The following DHRSX variants were observed in gnomAD, a reference collection of about 807,000 sequenced individuals.
The protein encoded by DHRSX is polyprenol dehydrogenase.
DHRSX carries 31 observed loss-of-function variants against 34.0 expected under a neutral mutation model. That is an observed-to-expected ratio of 0.91 (90% CI 0.69 to 1.23). The LOEUF is 1.23. DHRSX is among the 50% of genes most tolerant of loss of function. The pLI is 0.00. For synonymous variants in DHRSX, 201 were observed against 183.8 expected (o/e 1.09, Z -0.76); for missense variants, 414 against 428.1 (o/e 0.97, Z 0.29).
chrX:2,324,057 GAAAAAA>G (rs755736026), intron 3 of DHRSX, among the ~76,000 whole-genome samples: 1 of 143,000 alleles, frequency 7.0e-6, no homozygotes. Flanking sequence ...ACCCTGTCTG[GAAAAAA>G]AAAAAAAAAA....
intron 1 of DHRSX, among the ~76,000 whole-genome samples, chrX:2,467,524 C>T (rs959517341): frequency 1.3e-5 from 2 of 152,068 alleles, no homozygotes; most frequent in Middle Eastern, 3.4e-3. Context: ...AACAGGAGAC[C>T]GGACTGAAAC....
At chrX:2,333,272 G>A (rs1395319215) in intron 3 of DHRSX, among the ~76,000 whole-genome samples, 5 of 152,186 alleles carry the variant, frequency 3.3e-5, no homozygotes, top group East Asian at 3.9e-4. Context: ...ACATACACAC[G>A]TGGTGCAGCT....
chrX:2,382,714 T>C (rs867220406), intron 3 of DHRSX, among the ~76,000 whole-genome samples: 6 of 65,042 alleles, frequency 9.2e-5, no homozygotes, highest in Non-Finnish European at 1.5e-4. Flanking sequence ...ATCACCATCA[T>C]CACCACCATC....
chrX:2,373,234 C>T (rs1178906715), intron 3 of DHRSX, among the ~76,000 whole-genome samples: 2 of 152,180 alleles, frequency 1.3e-5, no homozygotes, highest in African/African-American at 4.8e-5. Context: ...TCCACCTGGC[C>T]CCACCCTTCA....
intron 3 of DHRSX, among the ~76,000 whole-genome samples, chrX:2,327,541 T>C (rs770675246): frequency 9.9e-5 from 15 of 152,220 alleles, no homozygotes; most frequent in Admixed American, 6.6e-4. Flanking sequence ...AGACTCAAGA[T>C]AGACCCAGCC....
chrX:2,482,110 C>T (rs1235421339), intron 1 of DHRSX, among the ~76,000 whole-genome samples: 3 of 146,284 alleles, frequency 2.1e-5, no homozygotes, highest in Non-Finnish European at 3.0e-5. Context: ...TGACCACACA[C>T]GTGTGCCACC....
rs373868711 is a variant in DHRSX, at chrX:2,488,968, G to A, written c.109+11849C>T. On this transcript the variant is annotated intron_variant, in intron 1 of 6. Coordinates refer to ENST00000334651, the MANE Select transcript of DHRSX (RefSeq NM_145177.3). ...CTGACCACCACTTGAGGGGGTCTTC[G>A]TTGAGGCCAAGCACCTTCTGGGACT... 1.2e-4 allele frequency: 191 copies of A among 1,597,602 alleles called. No homozygotes were observed. In the South Asian group the frequency reaches 2.0e-3, roughly 17 times the overall value.
intron 5 of DHRSX, among the ~76,000 whole-genome samples, chrX:2,255,224 AAAC>A (rs1327111627): frequency 6.6e-6 from 1 of 152,130 alleles, no homozygotes; most frequent in African/African-American, 2.4e-5. Flanking sequence ...CGCTAAGAGA[AAAC>A]AACCAAAACA....
chrX:2,486,841 G>A (rs921814135), intron 1 of DHRSX: 12 of 152,226 alleles, frequency 7.9e-5, no homozygotes, highest in African/African-American at 2.2e-4. Flanking sequence ...GACTTAAACC[G>A]GCTCAGGACG....
chrX:2,300,935 T>C (rs1024680916), intron 3 of DHRSX, among the ~76,000 whole-genome samples: 1 of 152,180 alleles, frequency 6.6e-6, no homozygotes, highest in Non-Finnish European at 1.5e-5. Flanking sequence ...AATTTCCCAG[T>C]GCCCAAACTC....
At chrX:2,318,304 T>C (rs1004539200) in intron 3 of DHRSX, among the ~76,000 whole-genome samples, 57 of 150,804 alleles carry the variant, frequency 3.8e-4, no homozygotes, top group African/African-American at 1.3e-3. Flanking sequence ...AGGTCAAGGC[T>C]GTGCCACTGC....
At chrX:2,369,150 A>G (rs915405035) in intron 3 of DHRSX, among the ~76,000 whole-genome samples, 4 of 152,132 alleles carry the variant, frequency 2.6e-5, no homozygotes, top group African/African-American at 9.7e-5. Context: ...AATGAGTTTA[A>G]GAGCTTTGCT....
intron 1 of DHRSX, 30 bp downstream of exon 1, chrX:2,500,787 G>A: frequency 9.4e-7 from 1 of 1,059,294 alleles, no homozygotes; most frequent in Non-Finnish European, 1.1e-6. Context: ...CGGGTCCCCG[G>A]AGCCCTGACC....
At chrX:2,380,219 G>A (rs186065858) in intron 3 of DHRSX, among the ~76,000 whole-genome samples, 8 of 149,232 alleles carry the variant, frequency 5.4e-5, no homozygotes, top group Non-Finnish European at 8.9e-5. Context: ...TGCTTGAACC[G>A]GGACCCAGGA....
intron 2 of DHRSX, among the ~76,000 whole-genome samples, chrX:2,411,907 C>T (rs1313334470): frequency 2.0e-5 from 3 of 152,174 alleles, no homozygotes; most frequent in Non-Finnish European, 4.4e-5. Flanking sequence ...CATGGGCAGG[C>T]CATTTTCCAT....
chrX:2,355,927 G>A (rs1382580429), intron 3 of DHRSX, among the ~76,000 whole-genome samples: 3 of 151,422 alleles, frequency 2.0e-5, no homozygotes, highest in Non-Finnish European at 2.9e-5. Context: ...GTAGCCAGGT[G>A]TGGTGGCAGG....
intron 4 of DHRSX, among the ~76,000 whole-genome samples, chrX:2,287,488 G>C (rs1185293025): frequency 6.6e-6 from 1 of 151,136 alleles, no homozygotes; most frequent in Non-Finnish European, 1.5e-5. Context: ...CAGAATAATG[G>C]CCCCAAAGAT....
At chrX:2,256,480 G>C (rs73183502) in intron 5 of DHRSX, among the ~76,000 whole-genome samples, 66,266 of 151,696 alleles carry the variant, frequency 0.44, 15,460 homozygotes, top group Middle Eastern at 0.56. Flanking sequence ...ATTTTTAGTA[G>C]AGACGGGGTT....
intron 1 of DHRSX, among the ~76,000 whole-genome samples, chrX:2,436,963 G>A (rs1339549494): frequency 1.3e-5 from 2 of 151,966 alleles, no homozygotes; most frequent in Non-Finnish European, 2.9e-5. Flanking sequence ...AGAGGTTCCT[G>A]AACTTTACTT....
Sources: allele counts gnomAD v4.1 joint callset (sites outside exome capture counted in the v4.1 genomes callset), GRCh38; gene constraint gnomAD v4.1.1; transcripts MANE v1.5; gene names NCBI Gene and HGNC (gene_info 2026-07-23, HGNC 2026-07-21).